CC2D2B: variants seen among roughly 807,000 people sequenced by gnomAD.
The protein encoded by CC2D2B is protein CC2D2B.
A neutral mutation model predicts 161.2 loss-of-function variants in CC2D2B; 128 were observed. That is an observed-to-expected ratio of 0.79 (90% CI 0.69 to 0.92). The LOEUF is 0.92. Among genes scored for constraint, CC2D2B ranks in the 40% least tolerant of loss-of-function variants. The pLI is 0.00. For missense variants in CC2D2B, 1,173 were observed against 1,375.1 expected (o/e 0.85, Z 2.32); for synonymous variants, 391 against 449.8 (o/e 0.87, Z 1.65).
At chr10:96,031,754 G>C in intron 34 of CC2D2B, 66 bp from the exon 35 acceptor site, 7 of 1,337,740 alleles carry the variant, frequency 5.2e-6, no homozygotes, top group Non-Finnish European at 7.3e-6. Context: ...TGATCTTTTT[G>C]CATACAGTAA....
intron 19 of CC2D2B, among the ~76,000 whole-genome samples, chr10:95,984,385 C>T (rs962133232): frequency 2.6e-5 from 4 of 152,040 alleles, no homozygotes; most frequent in African/African-American, 7.2e-5. Context: ...GTGGTGCTTA[C>T]GGCATTGTGG....
At chr10:95,959,977 A>G (rs1219575388) in intron 11 of CC2D2B, among the ~76,000 whole-genome samples, 1 of 152,224 alleles carries the variant, frequency 6.6e-6, no homozygotes, top group Admixed American at 6.5e-5. Context: ...CTGGAAATAT[A>G]TGGAGAATAG....
intron 10 of CC2D2B, among the ~76,000 whole-genome samples, chr10:95,954,675 A>C (rs2076515248): frequency 6.6e-6 from 1 of 152,138 alleles, no homozygotes; most frequent in Admixed American, 6.6e-5. Context: ...GTACTGTTAC[A>C]TTAATTTTGA....
At chr10:96,014,455 C>G (rs958104507) in intron 29 of CC2D2B, among the ~76,000 whole-genome samples, 3 of 152,260 alleles carry the variant, frequency 2.0e-5, no homozygotes, top group East Asian at 3.9e-4. Flanking sequence ...GTATTTCTTC[C>G]ATTTCAGCTT....
chr10:95,965,785 TTGTGTG>T lies in CC2D2B; in HGVS notation c.1251-79_1251-74del, dbSNP rs59230785. The T allele has an allele frequency of 7.8e-3, 2,666 of 343,944 alleles. 24 individuals carry two copies. Among genetic ancestry groups the T allele is most frequent in the African/African-American group, 0.03 (1,376 of 45,836 alleles). The allele number at this position is 343,944 out of a possible 1,614,324, so 21.3% of individuals were successfully genotyped here. A position where few individuals can be genotyped will look rare whatever the true frequency, so the allele number is the denominator to read the frequency against. On this transcript the variant is annotated intron_variant, in intron 12 of 34. Transcript: ENST00000646931. ...TAAAATTACTTGTAAGAGATTGGTT[TTGTGTG>T]TGTGTGTGTGTGTGTGTGTGTGTGT...
At chr10:96,003,655 C>T (rs2078624046) in intron 24 of CC2D2B, among the ~76,000 whole-genome samples, 1 of 146,486 alleles carries the variant, frequency 6.8e-6, no homozygotes, top group East Asian at 2.0e-4. Context: ...AGGGTTTCGC[C>T]ATGTTAGCCA....
chr10:96,028,858 T>C (rs2079899021), intron 34 of CC2D2B, among the ~76,000 whole-genome samples: 1 of 152,082 alleles, frequency 6.6e-6, no homozygotes, highest in Non-Finnish European at 1.5e-5. Context: ...TTATGTTAAG[T>C]GAAATTAGAT....
rs9943393 is a variant in CC2D2B, at chr10:96,019,753, T to C, written c.3817T>C (p.Tyr1273His). ...TACACCAATGGCTGTATTTTTTGAC[T>C]ATTCAAAGGAAAGTTTCTGGAAGCA... ...NNTPMAVFFD[Y>H]SKESFWKQLL... Residue 1273 changes from tyrosine to histidine, a missense_variant, in exon 32 of 35, where the codon TAT (tyrosine) becomes CAT (histidine). This residue lies in a region of CC2D2B where 598 missense variants were observed against 693.2 expected (regional missense o/e 0.86). Coordinates refer to ENST00000646931, the MANE Select transcript of CC2D2B (RefSeq NM_001349008.3). The C allele has an allele frequency of 2.0e-3, 3,224 of 1,602,826 alleles. 57 individuals carry two copies. In the African/African-American group the frequency reaches 0.037, roughly 18 times the overall value.
At chr10:95,924,984 GT>G (rs2098535813) in intron 5 of CC2D2B, 140 bp downstream of exon 5, 2 of 528,930 alleles carry the variant, frequency 3.8e-6, no homozygotes, top group Non-Finnish European at 6.7e-6. Context: ...CAATACCACA[GT>G]TTAGTTTTTA....
chr10:96,027,206 C>A lies in CC2D2B; in HGVS notation c.3948-6C>A. 6.6e-7 allele frequency: 1 copy of A among 1,513,712 alleles called. No homozygotes were observed. The highest frequency in any genetic ancestry group is 8.9e-7 in the Non-Finnish European group (1 of 1,126,906). The allele number at this position is 1,513,712 out of a possible 1,614,324, so 93.8% of individuals were successfully genotyped here. A position where few individuals can be genotyped will look rare whatever the true frequency, so the allele number is the denominator to read the frequency against. ...TCATAAAATTACCTTTGGATTCTTA[C>A]CTTAGGATCGAAAGGACTCTGAAGA... On this transcript the variant is annotated splice_polypyrimidine_tract_variant and splice_region_variant and intron_variant, in intron 33 of 34. Transcript: ENST00000646931.
At chr10:95,954,405 T>C (rs924621218) in intron 10 of CC2D2B, among the ~76,000 whole-genome samples, 1 of 152,032 alleles carries the variant, frequency 6.6e-6, no homozygotes, top group East Asian at 1.9e-4. Context: ...CTTTATCCTA[T>C]ACCAGCTGCA....
intron 17 of CC2D2B, among the ~76,000 whole-genome samples, chr10:95,981,167 G>A (rs1306438017): frequency 1.3e-5 from 2 of 152,110 alleles, no homozygotes; most frequent in Non-Finnish European, 2.9e-5. Context: ...GCCAAGGGGG[G>A]CGGATCACAA....
At chr10:96,002,309 T>C (rs1199878623) in intron 24 of CC2D2B, among the ~76,000 whole-genome samples, 1 of 152,106 alleles carries the variant, frequency 6.6e-6, no homozygotes, top group African/African-American at 2.4e-5. Context: ...CCAACTCCCC[T>C]CTTCTTGTGA....
Position 96,009,931 on chromosome 10 carries a change from A to G in CC2D2B, c.3045+8A>G, listed in dbSNP as rs780761124. The G allele has an allele frequency of 1.3e-6, 2 of 1,553,546 alleles. No homozygotes were observed. Among genetic ancestry groups the G allele is most frequent in the Non-Finnish European group, 1.8e-6 (2 of 1,129,186 alleles). ...CTTCTGCAACAATCTGAGGTAAGAG[A>G]AAATGCTTCTTTGCTCATTCTAAGT... On this transcript the variant is annotated splice_region_variant and intron_variant, in intron 26 of 34. Transcript: ENST00000646931.
intron 32 of CC2D2B, 69 bp from the exon 33 acceptor site, chr10:96,024,784 C>A: frequency 1.1e-6 from 1 of 869,702 alleles, no homozygotes; most frequent in Non-Finnish European, 1.8e-6. Flanking sequence ...TTATAGCTGG[C>A]ATTCCAGGAG....
intron 11 of CC2D2B, among the ~76,000 whole-genome samples, chr10:95,960,167 C>T (rs778697920): frequency 6.6e-6 from 1 of 152,128 alleles, no homozygotes; most frequent in Non-Finnish European, 1.5e-5. Context: ...TTGTCTGACT[C>T]CAAGTATCTT....
intron 24 of CC2D2B, among the ~76,000 whole-genome samples, chr10:96,002,604 G>A (rs909725988): frequency 9.2e-5 from 14 of 152,096 alleles, no homozygotes; most frequent in African/African-American, 3.1e-4. Context: ...TGCCTGCCCC[G>A]CCCTTTCTTA....
chr10:95,980,445 G>T (rs2077472422), intron 17 of CC2D2B, among the ~76,000 whole-genome samples: 1 of 152,026 alleles, frequency 6.6e-6, no homozygotes, highest in African/African-American at 2.4e-5. Context: ...GTTGTTAAAG[G>T]ATATAACGGG....
In CC2D2B at chr10:95,933,209, G is replaced by A. The variant is rs530380111; in HGVS notation, c.337-4782G>A. Among the ~76,000 whole-genome samples the A allele has an allele frequency of 4.6e-5, 7 of 151,884 alleles. No individual in the cohort carries two copies. The South Asian group carries it at 6.3e-4, about 14-fold the overall frequency. On this transcript the variant is annotated intron_variant, in intron 6 of 34. Transcript: ENST00000646931. ...CTTTTGTATGCTTCACGAAGTTCTCGTGCTGTGTTTTTCAGCTCCATCTGG... is the reference window on the plus strand; with the variant it reads ...CTTTTGTATGCTTCACGAAGTTCTCATGCTGTGTTTTTCAGCTCCATCTGG...
Sources: gnomAD v4.1 joint callset for allele counts (sites outside exome capture counted in the v4.1 genomes callset) on GRCh38, gnomAD v4.1.1 for gene constraint, gnomAD v4.1.1 regional missense constraint, MANE v1.5 for transcripts, NCBI Gene and HGNC (gene_info 2026-07-23, HGNC 2026-07-21) for gene names.